The following HDAC8 variants were observed in gnomAD, a reference collection of about 807,000 sequenced individuals.
HDAC8 encodes histone deacetylase 8, also known as histone deacetylase-like 1.
A neutral mutation model predicts 32.2 loss-of-function variants in HDAC8; 1 was observed. The ratio of observed to expected loss-of-function variants is 0.03; its 90% CI spans 0.01 to 0.15. HDAC8 has a LOEUF of 0.15. Among genes scored for constraint, HDAC8 ranks in the 10% least tolerant of loss-of-function variants. The probability of loss-of-function intolerance (pLI) is 1.00; values close to 1 mark genes in which losing one functional copy is unlikely to be tolerated. For missense variants in HDAC8, 117 were observed against 300.0 expected (o/e 0.39, Z 4.51); for synonymous variants, 108 against 113.9 (o/e 0.95, Z 0.33).
intron 9 of HDAC8, among the ~76,000 whole-genome samples, chrX:72,401,884 T>G: frequency 8.9e-6 from 1 of 112,557 alleles, no homozygotes; most frequent in Middle Eastern, 4.6e-3. Flanking sequence ...TTAGGAAGTG[T>G]TCCTTCCTCT....
chrX:72,505,414 G>A (rs150459217), intron 4 of HDAC8, among the ~76,000 whole-genome samples: 3,904 of 111,517 alleles, frequency 0.035, 79 homozygotes, highest in Non-Finnish European at 0.055. Context: ...ACCACTCTAG[G>A]TTATCAGAGT....
At chrX:72,443,874 A>T (rs1240004206) in intron 9 of HDAC8, among the ~76,000 whole-genome samples, 1 of 109,783 alleles carries the variant, frequency 9.1e-6, no homozygotes, top group Non-Finnish European at 1.9e-5. Context: ...ATCACACAGA[A>T]ATACAAACTA....
chrX:72,388,595 TACACACACACAC>T (rs59374504), intron 9 of HDAC8, among the ~76,000 whole-genome samples: 50 of 88,400 alleles, frequency 5.7e-4, no homozygotes, highest in South Asian at 4.8e-3. Context: ...CCACAGTGAT[TACACACACACAC>T]ACACACACAC....
intron 10 of HDAC8, chrX:72,351,416 A>G: frequency 3.8e-6 from 1 of 263,883 alleles, no homozygotes; most frequent in Non-Finnish European, 6.7e-6. Context: ...TCTCATCTTA[A>G]AGAGTGCTTT....
chrX:72,421,480 A>G, intron 9 of HDAC8, among the ~76,000 whole-genome samples: 1 of 111,988 alleles, frequency 8.9e-6, no homozygotes, highest in South Asian at 3.7e-4. Flanking sequence ...CTGTTCTTGT[A>G]TTAGTAAGCT....
At chrX:72,469,127 T>C (rs2048098973) in intron 7 of HDAC8, among the ~76,000 whole-genome samples, 1 of 101,522 alleles carries the variant, frequency 9.9e-6, no homozygotes, top group Non-Finnish European at 1.9e-5. Flanking sequence ...GTCTTTATTC[T>C]TACTGTAACT....
chrX:72,457,934 C>T (rs1251556220), intron 9 of HDAC8, among the ~76,000 whole-genome samples: 1 of 111,108 alleles, frequency 9.0e-6, no homozygotes, highest in Admixed American at 9.6e-5. Flanking sequence ...AAAAAGCAGT[C>T]TGGTTAAGTA....
At chrX:72,377,609 C>T (rs1476460405) in intron 9 of HDAC8, among the ~76,000 whole-genome samples, 2 of 111,587 alleles carry the variant, frequency 1.8e-5, no homozygotes, top group African/African-American at 6.5e-5. Context: ...ATAATTTTGT[C>T]TATTAGTATA....
At chrX:72,407,955 C>T (rs2046091562) in intron 9 of HDAC8, among the ~76,000 whole-genome samples, 1 of 111,587 alleles carries the variant, frequency 9.0e-6, no homozygotes, top group Admixed American at 9.5e-5. Flanking sequence ...TTATTTGGCT[C>T]TAAGAGTTTC....
At chrX:72,513,307 G>A (rs188826015) in intron 4 of HDAC8, among the ~76,000 whole-genome samples, 1 of 110,590 alleles carries the variant, frequency 9.0e-6, no homozygotes, top group East Asian at 2.8e-4. Flanking sequence ...CACATGCTAT[G>A]CTTTAAACTT....
chrX:72,468,020 G>A lies in HDAC8; in HGVS notation c.738-3289C>T, dbSNP rs145457373. ...TTCTGATAAAGAGGGCTCTGGATGGGTATTGAAAAGGTTGATAAGAAGCTT... is the reference window on the plus strand; with the variant it reads ...TTCTGATAAAGAGGGCTCTGGATGGATATTGAAAAGGTTGATAAGAAGCTT... On this transcript the variant is annotated intron_variant, in intron 7 of 10. Coordinates refer to ENST00000373573, the MANE Select transcript of HDAC8 (RefSeq NM_018486.3). 205 of 1,181,682 alleles carry A rather than the reference G, an allele frequency of 1.7e-4. No individual in the cohort carries two copies. In the African/African-American group the frequency reaches 3.4e-3, roughly 19 times the overall value.
chrX:72,453,199 C>A (rs935586416), intron 9 of HDAC8, among the ~76,000 whole-genome samples: 14 of 107,183 alleles, frequency 1.3e-4, no homozygotes, highest in Non-Finnish European at 2.1e-4. Flanking sequence ...ATAATTCCAG[C>A]ACTTTGGGAG....
intron 4 of HDAC8, among the ~76,000 whole-genome samples, chrX:72,519,331 G>C (rs2049909378): frequency 1.8e-5 from 2 of 111,944 alleles, no homozygotes; most frequent in African/African-American, 6.5e-5. Flanking sequence ...GAGTGGAACT[G>C]CTGGGATATA....
chrX:72,332,580 G>A (rs552495902), intron 10 of HDAC8, among the ~76,000 whole-genome samples: 59 of 104,719 alleles, frequency 5.6e-4, no homozygotes, highest in African/African-American at 1.9e-3. Flanking sequence ...TCCTTTTCAT[G>A]TCTTGTCTTT....
chrX:72,389,810 G>A lies in HDAC8; in HGVS notation c.1006-37972C>T, dbSNP rs372721216. Among the ~76,000 whole-genome samples, 86 of 111,645 alleles carry A rather than the reference G, an allele frequency of 7.7e-4. 5 individuals carry two copies. The East Asian group carries it at 0.014, about 18-fold the overall frequency. On this transcript the variant is annotated intron_variant, in intron 9 of 10. Transcript: ENST00000373573. ...TTCTTGGCTTTCTTTAGGGAGACAG[G>A]AAGCTGCCACCCTAATATTTAAGTA...
chrX:72,570,492 C>T (rs1341929699), intron 2 of HDAC8, among the ~76,000 whole-genome samples: 4 of 109,224 alleles, frequency 3.7e-5, no homozygotes, highest in African/African-American at 1.3e-4. Context: ...GCCTGTAGTC[C>T]CAGCTACTCG....
rs180692248 is a variant in HDAC8, at chrX:72,526,756, C to T, written c.438-31488G>A. 1.4e-3 allele frequency among the ~76,000 whole-genome samples: 154 copies of T among 111,643 alleles called. 1 individual carries two copies. The highest frequency in any genetic ancestry group is 4.6e-3 in the Middle Eastern group (1 of 216). ...TCATTATCACGCCCTGAAACCCACT[C>T]TTCCTCCTGTATTCTTAACATCATT... is the stretch of plus-strand genomic sequence containing the variant. On this transcript the variant is annotated intron_variant, in intron 4 of 10. Transcript: ENST00000373573.
intron 9 of HDAC8, among the ~76,000 whole-genome samples, chrX:72,384,264 G>A (rs1223543481): frequency 3.6e-5 from 4 of 111,911 alleles, no homozygotes; most frequent in African/African-American, 1.3e-4. Context: ...TTGGTAGGAG[G>A]GTCTAAGCTA....
intron 7 of HDAC8, chrX:72,473,746 T>C (rs1471766609): frequency 6.6e-6 from 5 of 753,043 alleles, no homozygotes; most frequent in Non-Finnish European, 7.8e-6. Flanking sequence ...TAACAGCAGA[T>C]GCTGTTGCCA....
Sources: allele counts gnomAD v4.1 joint callset (sites outside exome capture counted in the v4.1 genomes callset), GRCh38; gene constraint gnomAD v4.1.1; transcripts MANE v1.5; gene names NCBI Gene and HGNC (gene_info 2026-07-23, HGNC 2026-07-21).